Variants in ADAMTSL3 observed in about 807,000 individuals in gnomAD.
ADAMTSL3 encodes the protein ADAMTS like 3.
A neutral mutation model predicts 201.7 loss-of-function variants in ADAMTSL3; 128 were observed. That is an observed-to-expected ratio of 0.63 (90% CI 0.55 to 0.73). The LOEUF is 0.73. Among genes scored for constraint, ADAMTSL3 ranks in the 30% least tolerant of loss-of-function variants. The pLI is 0.00. For missense variants in ADAMTSL3, 1,990 were observed against 2,119.6 expected, an observed-to-expected ratio of 0.94 and a Z score of 1.20; for synonymous variants, 738 against 748.4, an observed-to-expected ratio of 0.99 and a Z score of 0.23.
intron 2 of ADAMTSL3, among the ~76,000 whole-genome samples, chr15:83,700,883 A>G (rs1170248610): frequency 6.6e-6 from 1 of 152,266 alleles, no homozygotes; most frequent in African/African-American, 2.4e-5. Context: ...AATTATTTTA[A>G]CAGTCTAGTG....
intron 8 of ADAMTSL3, among the ~76,000 whole-genome samples, chr15:83,859,975 C>T (rs1291235515): frequency 6.6e-6 from 1 of 151,880 alleles, no homozygotes; most frequent in East Asian, 1.9e-4. Flanking sequence ...CAAGCCTGGG[C>T]AGCACAGGAA....
At chr15:83,821,091 A>G (rs2063856626) in intron 6 of ADAMTSL3, among the ~76,000 whole-genome samples, 2 of 152,116 alleles carry the variant, frequency 1.3e-5, no homozygotes, top group Admixed American at 1.3e-4. Flanking sequence ...AAAAAAAATT[A>G]AAAAGACACT....
chr15:83,819,278 A>C (rs1485579772), intron 5 of ADAMTSL3, among the ~76,000 whole-genome samples: 1 of 151,806 alleles, frequency 6.6e-6, no homozygotes, highest in African/African-American at 2.4e-5. Context: ...AAAAAAAAAA[A>C]AAAACAATGA....
intron 16 of ADAMTSL3, among the ~76,000 whole-genome samples, chr15:83,917,425 A>G (rs867500182): frequency 1.4e-5 from 2 of 144,034 alleles, no homozygotes; most frequent in African/African-American, 5.8e-5. Context: ...GTGTGTATGT[A>G]TGTATGTATG....
intron 26 of ADAMTSL3, among the ~76,000 whole-genome samples, chr15:84,024,083 G>A (rs2068255423): frequency 1.3e-5 from 2 of 152,064 alleles, no homozygotes; most frequent in Admixed American, 1.3e-4. Context: ...GTGAAACCCC[G>A]TCCCTACTAA....
intron 15 of ADAMTSL3, among the ~76,000 whole-genome samples, chr15:83,912,080 T>C (rs2065944920): frequency 6.6e-6 from 1 of 152,226 alleles, no homozygotes; most frequent in African/African-American, 2.4e-5. Context: ...CTATCACTTA[T>C]TAATATCTCA....
chr15:83,909,775 T>A (rs1229631719), intron 15 of ADAMTSL3, among the ~76,000 whole-genome samples: 1 of 151,992 alleles, frequency 6.6e-6, no homozygotes, highest in African/African-American at 2.4e-5. Flanking sequence ...CCACCATGCC[T>A]GGCTAATTTT....
At chr15:83,859,711 C>G (rs2064816635) in intron 8 of ADAMTSL3, among the ~76,000 whole-genome samples, 1 of 152,122 alleles carries the variant, frequency 6.6e-6, no homozygotes, top group South Asian at 2.1e-4. Context: ...GTACCCCCAA[C>G]TATTCTGTAG....
Position 83,823,967 on chromosome 15 carries a change from CT to C in ADAMTSL3, c.600+3922del, listed in dbSNP as rs1567169991. On this transcript the variant is annotated intron_variant, in intron 6 of 29. Coordinates refer to ENST00000286744, the MANE Select transcript of ADAMTSL3 (RefSeq NM_207517.3). Reference sequence around the variant, plus strand: ...TCTTCTTCTTCTTCTTCTTCTTCTTCTTCTTCTCCTCCTCCTCCTCCTCCTT... The same window carrying C: ...TCTTCTTCTTCTTCTTCTTCTTCTTCTCTTCTCCTCCTCCTCCTCCTCCTT... Among the ~76,000 whole-genome samples the C allele has an allele frequency of 6.9e-3, 566 of 81,732 alleles. 3 individuals are homozygous for C. The highest frequency in any genetic ancestry group is 0.011 in the Admixed American group (71 of 6,594). 53.6% of individuals were successfully genotyped at this position (81,732 alleles called of 152,430 possible).
intron 7 of ADAMTSL3, among the ~76,000 whole-genome samples, chr15:83,839,037 C>T (rs1478293606): frequency 6.6e-6 from 1 of 152,104 alleles, no homozygotes; most frequent in African/African-American, 2.4e-5. Flanking sequence ...GTTTGTTAAC[C>T]GCTCCTTTAA....
intron 17 of ADAMTSL3, among the ~76,000 whole-genome samples, chr15:83,925,790 A>G (rs1402350210): frequency 6.6e-6 from 1 of 152,140 alleles, no homozygotes; most frequent in Non-Finnish European, 1.5e-5. Flanking sequence ...TATTGGAACC[A>G]CTGAATTAGA....
chr15:83,994,932 ATAT>A (rs1218091584), intron 23 of ADAMTSL3, among the ~76,000 whole-genome samples: 4 of 151,920 alleles, frequency 2.6e-5, no homozygotes, highest in Admixed American at 2.6e-4. Context: ...TTTGTATAGT[ATAT>A]TAGTTGTCAA....
intron 15 of ADAMTSL3, among the ~76,000 whole-genome samples, chr15:83,905,368 G>A (rs982029071): frequency 6.6e-5 from 10 of 152,210 alleles, no homozygotes; most frequent in Non-Finnish European, 1.0e-4. Flanking sequence ...AATGTCAGAA[G>A]AGCAGCATGT....
intron 5 of ADAMTSL3, among the ~76,000 whole-genome samples, chr15:83,808,139 T>A (rs2063630757): frequency 6.6e-6 from 1 of 152,036 alleles, no homozygotes; most frequent in Non-Finnish European, 1.5e-5. Flanking sequence ...ACAAATGGGA[T>A]TATATTAAAC....
In ADAMTSL3 at chr15:84,036,843, T is replaced by C; in HGVS notation, c.4825T>C (p.Cys1609Arg). 2 of 1,614,044 alleles carry C rather than the reference T, an allele frequency of 1.2e-6. No individual in the cohort carries two copies. Among genetic ancestry groups the C allele is most frequent in the Non-Finnish European group, 1.7e-6 (2 of 1,180,000 alleles). ...TTGGCACACAGGCCCTTGGAAGCCC[T>C]GTACAGCAGCCTGTGGCAGGGGTTT... ...VCWHTGPWKP[C>R]TAACGRGFQS... Residue 1609 changes from cysteine (C) to arginine (R), a missense_variant, in exon 29 of 30, where the codon TGT becomes CGT. Physicochemically the swap from Cys to Arg is radical, Grantham distance 180. Transcript: ENST00000286744.
chr15:83,794,150 CACA>C (rs2063386669), intron 4 of ADAMTSL3, among the ~76,000 whole-genome samples: 1 of 152,110 alleles, frequency 6.6e-6, no homozygotes. Context: ...TCAAAAGGTT[CACA>C]ACAAGAAATA....
chr15:83,794,475 G>A (rs533308682), intron 4 of ADAMTSL3, among the ~76,000 whole-genome samples: 14 of 152,258 alleles, frequency 9.2e-5, no homozygotes, highest in South Asian at 4.1e-4. Context: ...CTACACAGCC[G>A]TAAATGGAAA....
chr15:83,884,269 A>T (rs2141866468), intron 9 of ADAMTSL3, among the ~76,000 whole-genome samples: 1 of 149,892 alleles, frequency 6.7e-6, no homozygotes, highest in African/African-American at 2.5e-5. Flanking sequence ...ATTTTGAAAT[A>T]TGTGTATATT....
intron 2 of ADAMTSL3, among the ~76,000 whole-genome samples, chr15:83,662,144 T>G (rs1411040177): frequency 1.4e-5 from 2 of 146,350 alleles, no homozygotes; most frequent in East Asian, 4.0e-4. Flanking sequence ...TGCGGCATTA[T>G]TCACAATAGC....
Sources: allele counts gnomAD v4.1 joint callset (sites outside exome capture counted in the v4.1 genomes callset), GRCh38; gene constraint gnomAD v4.1.1; transcripts MANE v1.5; gene names NCBI Gene and HGNC (gene_info 2026-07-23, HGNC 2026-07-21).